The following CA10 variants were observed in gnomAD, a reference collection of about 807,000 sequenced individuals.
CA10 encodes the protein carbonic anhydrase 10 (inactive).
Under a neutral mutation model 44.2 loss-of-function variants are expected in CA10, and 14 were observed. The ratio of observed to expected loss-of-function variants is 0.32; its 90% CI spans 0.21 to 0.50. The LOEUF (loss-of-function observed/expected upper bound fraction) is 0.50. Ranked by LOEUF, CA10 falls within the 20% of genes least tolerant of loss-of-function variation. The pLI is 0.99. For missense variants in CA10, 350 were observed against 409.7 expected (o/e 0.85, Z 1.26); for synonymous variants, 159 against 141.6 (o/e 1.12, Z -0.87).
chr17:52,115,462 A>G (rs1988873455), intron 1 of CA10, among the ~76,000 whole-genome samples: 1 of 152,176 alleles, frequency 6.6e-6, no homozygotes. Context: ...AAGGTAGAAA[A>G]AACTGAGACT....
At chr17:51,668,954 G>A (rs1448280467) in intron 4 of CA10, among the ~76,000 whole-genome samples, 1 of 152,238 alleles carries the variant, frequency 6.6e-6, no homozygotes, top group Non-Finnish European at 1.5e-5. Context: ...CCCCAGCACT[G>A]CTGGCCTGCC....
At chr17:51,931,955 C>T (rs1043220537) in intron 2 of CA10, among the ~76,000 whole-genome samples, 11 of 152,124 alleles carry the variant, frequency 7.2e-5, no homozygotes, top group African/African-American at 1.9e-4. Flanking sequence ...ACTATACTTT[C>T]AGCCTTTCCC....
At chr17:52,061,312 C>T (rs1001394790) in intron 2 of CA10, among the ~76,000 whole-genome samples, 4 of 152,032 alleles carry the variant, frequency 2.6e-5, no homozygotes, top group Non-Finnish European at 5.9e-5. Flanking sequence ...GGAAGGGACC[C>T]TGCACTGAGT....
At chr17:52,103,130 A>G (rs143932279) in intron 1 of CA10, among the ~76,000 whole-genome samples, 1 of 152,190 alleles carries the variant, frequency 6.6e-6, no homozygotes, top group African/African-American at 2.4e-5. Context: ...TTTGAATCAG[A>G]GTCTGAGGGT....
intron 4 of CA10, among the ~76,000 whole-genome samples, chr17:51,682,488 C>T (rs965648759): frequency 2.0e-5 from 3 of 152,086 alleles, no homozygotes; most frequent in African/African-American, 7.2e-5. Context: ...TATAAATCAG[C>T]AGGTAAGTAA....
intron 5 of CA10, 131 bp from the exon 6 acceptor site, chr17:51,649,385 T>C (rs948271032): frequency 5.7e-6 from 4 of 703,564 alleles, no homozygotes; most frequent in African/African-American, 1.8e-5. Flanking sequence ...CAGCTGCAAA[T>C]TCAGAGAGCA....
intron 4 of CA10, among the ~76,000 whole-genome samples, chr17:51,695,332 TTTTG>T (rs201028156): frequency 6.0e-5 from 9 of 150,342 alleles, no homozygotes; most frequent in East Asian, 2.0e-4. Flanking sequence ...CTTTCACAGT[TTTTG>T]TTTTGTTTTG....
At chr17:52,052,111 C>G in intron 2 of CA10, among the ~76,000 whole-genome samples, 1 of 151,510 alleles carries the variant, frequency 6.6e-6, no homozygotes, top group Non-Finnish European at 1.5e-5. Flanking sequence ...GGTAACAATA[C>G]ATACTGGGGC....
intron 2 of CA10, among the ~76,000 whole-genome samples, chr17:52,007,740 T>A (rs1268417967): frequency 6.6e-6 from 1 of 151,446 alleles, no homozygotes; most frequent in Non-Finnish European, 1.5e-5. Flanking sequence ...TAAGACTATA[T>A]TAGCCTCATA....
At position 52,008,296 on chromosome 17, in the gene CA10, A is replaced by G. The variant is rs562129101; in HGVS notation, c.136+64023T>C. On this transcript the variant is annotated intron_variant, in intron 2 of 8. Transcript: ENST00000451037. Reference sequence around the variant, plus strand: ...TGACTATACTCCAAATAGAATAAAGATCATAGAGGAAACTGAAAGTAAATT... The same window carrying G: ...TGACTATACTCCAAATAGAATAAAGGTCATAGAGGAAACTGAAAGTAAATT... 5.3e-5 allele frequency among the ~76,000 whole-genome samples: 8 copies of G among 152,024 alleles called. No individual in the cohort carries two copies. In the East Asian group the frequency reaches 1.4e-3, roughly 26 times the overall value.
At chr17:51,785,286 T>C (rs973349102) in intron 3 of CA10, among the ~76,000 whole-genome samples, 1 of 152,210 alleles carries the variant, frequency 6.6e-6, no homozygotes, top group African/African-American at 2.4e-5. Flanking sequence ...TATTAATCCC[T>C]TGTCAGAATA....
chr17:52,020,500 G>A (rs1016065111), intron 2 of CA10, among the ~76,000 whole-genome samples: 2 of 151,526 alleles, frequency 1.3e-5, no homozygotes, highest in East Asian at 1.9e-4. Context: ...CTTGTATTTT[G>A]TTTTCTGCAA....
At chr17:51,850,928 G>T (rs780344527) in intron 3 of CA10, among the ~76,000 whole-genome samples, 1 of 152,182 alleles carries the variant, frequency 6.6e-6, no homozygotes, top group Admixed American at 6.5e-5. Flanking sequence ...TGAGAGGGCA[G>T]GTTATGGAGA....
intron 4 of CA10, among the ~76,000 whole-genome samples, chr17:51,675,149 C>T (rs567417545): frequency 1.3e-4 from 20 of 152,072 alleles, no homozygotes; most frequent in East Asian, 1.9e-4. Context: ...TGGAGGCAGC[C>T]GGAGGAGGGA....
chr17:52,025,681 G>T (rs1432885104), intron 2 of CA10, among the ~76,000 whole-genome samples: 1 of 152,050 alleles, frequency 6.6e-6, no homozygotes, highest in Non-Finnish European at 1.5e-5. Context: ...TTCTATTCAT[G>T]AATGCCTTTT....
rs766391581 is a variant in CA10, at chr17:51,631,529, G to A, written c.*55C>T. 41 of 1,493,664 alleles carry A rather than the reference G, an allele frequency of 2.7e-5. No homozygotes were observed. Among genetic ancestry groups the A allele is most frequent in the East Asian group, 9.0e-5 (4 of 44,278 alleles). The allele number at this position is 1,493,664 out of a possible 1,614,324, so 92.5% of individuals were successfully genotyped here. On this transcript the variant is annotated 3_prime_UTR_variant, in exon 9 of 9. Coordinates refer to ENST00000451037, the MANE Select transcript of CA10 (RefSeq NM_020178.5). ...CAAGAAGGGGGACATTCTAGGTTAC[G>A]TCAATTCACAGTTGTAGCATTTCAC... is the stretch of plus-strand genomic sequence containing the variant.
At chr17:52,038,113 A>G (rs1986669103) in intron 2 of CA10, among the ~76,000 whole-genome samples, 1 of 152,200 alleles carries the variant, frequency 6.6e-6, no homozygotes, top group South Asian at 2.1e-4. Context: ...GGAAACAGGT[A>G]TCATGCTTAA....
Position 51,935,422 on chromosome 17 carries a change from T to C in CA10, c.137-4290A>G, listed in dbSNP as rs1261284734. Among the ~76,000 whole-genome samples, 4 of 152,198 alleles carry C rather than the reference T, an allele frequency of 2.6e-5. No individual in the cohort carries two copies. The East Asian group carries it at 7.7e-4, about 29-fold the overall frequency. On this transcript the variant is annotated intron_variant, in intron 2 of 8. Transcript: ENST00000451037. ...ATAGAGTAAGAATCACTCTAATTAATGGACAACCAGTCTGACGATGTTTGA... is the reference window on the plus strand; with the variant it reads ...ATAGAGTAAGAATCACTCTAATTAACGGACAACCAGTCTGACGATGTTTGA...
At chr17:52,048,035 C>T (rs1316579871) in intron 2 of CA10, among the ~76,000 whole-genome samples, 2 of 132,514 alleles carry the variant, frequency 1.5e-5, no homozygotes, top group Non-Finnish European at 3.3e-5. Context: ...CTCCCACACC[C>T]ACAAAAATTA....
Sources: allele counts gnomAD v4.1 joint callset (sites outside exome capture counted in the v4.1 genomes callset), GRCh38; gene constraint gnomAD v4.1.1; transcripts MANE v1.5; gene names NCBI Gene and HGNC (gene_info 2026-07-23, HGNC 2026-07-21).